Variants in FGF12 observed in about 807,000 individuals in gnomAD.
FGF12 encodes the protein fibroblast growth factor 12.
In FGF12, 14 loss-of-function variants were observed where a neutral mutation model predicts 23.6. That is an observed-to-expected ratio of 0.59 (90% CI 0.39 to 0.93). FGF12 has a LOEUF of 0.93. Among genes scored for constraint, FGF12 ranks in the 40% least tolerant of loss-of-function variants. The pLI, the probability that FGF12 is intolerant of heterozygous loss-of-function variation, is 0.00. For missense variants in FGF12, 175 were observed against 217.8 expected (o/e 0.80, Z 1.24); for synonymous variants, 62 against 77.3 (o/e 0.80, Z 1.04).
chr3:192,310,440 A>G (rs754352135), intron 4 of FGF12, among the ~76,000 whole-genome samples: 2 of 152,196 alleles, frequency 1.3e-5, no homozygotes, highest in South Asian at 4.1e-4. Context: ...CTTTTAAAAT[A>G]TTTATACTTA....
intron 4 of FGF12, among the ~76,000 whole-genome samples, chr3:192,208,868 T>C (rs995533902): frequency 1.9e-4 from 29 of 152,206 alleles, no homozygotes; most frequent in African/African-American, 7.0e-4. Flanking sequence ...TCTATAAGTG[T>C]CTCACTCGGC....
At chr3:192,531,173 C>T (rs1190084424) in intron 2 of FGF12, among the ~76,000 whole-genome samples, 2 of 152,164 alleles carry the variant, frequency 1.3e-5, no homozygotes, top group Non-Finnish European at 2.9e-5. Flanking sequence ...TTTACAGCTA[C>T]ACACGTTATT....
At position 192,455,472 on chromosome 3, in the gene FGF12, T is replaced by C. The variant is rs564392018; in HGVS notation, c.14-94934A>G. On this transcript the variant is annotated intron_variant, in intron 2 of 5. Transcript: ENST00000445105. ...TGGTGTACCTACAGCAGAATAGAAA[T>C]GATAACATCATATATTTAGACAGAG... 2.6e-5 allele frequency among the ~76,000 whole-genome samples: 4 copies of C among 152,328 alleles called. No homozygotes were observed. In the South Asian group the frequency reaches 6.2e-4, roughly 24 times the overall value.
intron 2 of FGF12, among the ~76,000 whole-genome samples, chr3:192,640,671 G>T (rs1396211419): frequency 6.6e-6 from 1 of 152,150 alleles, no homozygotes; most frequent in South Asian, 2.1e-4. Context: ...AAAAATTTTG[G>T]TTGGTAAAAG....
intron 4 of FGF12, among the ~76,000 whole-genome samples, chr3:192,183,250 G>A (rs1349661761): frequency 6.6e-6 from 1 of 152,026 alleles, no homozygotes; most frequent in Non-Finnish European, 1.5e-5. Flanking sequence ...GCAGTGAGTA[G>A]GCTGAGATCT....
At chr3:192,661,805 G>T (rs1716682056) in intron 2 of FGF12, among the ~76,000 whole-genome samples, 2 of 152,280 alleles carry the variant, frequency 1.3e-5, no homozygotes, top group South Asian at 4.1e-4. Context: ...TCAACCTTCT[G>T]CTATCCAAAA....
intron 2 of FGF12, among the ~76,000 whole-genome samples, chr3:192,498,842 T>C (rs1171349121): frequency 6.6e-6 from 1 of 152,238 alleles, no homozygotes; most frequent in Non-Finnish European, 1.5e-5. Context: ...TATCATGTTA[T>C]CCCAGTCCAC....
chr3:192,521,619 C>T (rs76155100), intron 2 of FGF12, among the ~76,000 whole-genome samples: 1,640 of 152,198 alleles, frequency 0.011, 17 homozygotes, highest in African/African-American at 0.033. Context: ...CACCTGAACA[C>T]GTCTCTGACC....
At chr3:192,614,269 C>CT (rs899351182) in intron 2 of FGF12, among the ~76,000 whole-genome samples, 1 of 151,332 alleles carries the variant, frequency 6.6e-6, no homozygotes, top group Non-Finnish European at 1.5e-5. Flanking sequence ...TTAAATCCTC[C>CT]TTTTTTCAAA....
At chr3:192,240,904 T>C (rs922632704) in intron 4 of FGF12, among the ~76,000 whole-genome samples, 1 of 152,184 alleles carries the variant, frequency 6.6e-6, no homozygotes, top group Non-Finnish European at 1.5e-5. Flanking sequence ...GGAAAGGACT[T>C]CTTTGAGCTT....
At chr3:192,372,442 C>T (rs1475155486) in intron 2 of FGF12, among the ~76,000 whole-genome samples, 1 of 151,752 alleles carries the variant, frequency 6.6e-6, no homozygotes, top group Non-Finnish European at 1.5e-5. Context: ...TTTGCAGAGT[C>T]AACCAGAGTG....
intron 4 of FGF12, among the ~76,000 whole-genome samples, chr3:192,174,911 AC>A (rs1475037956): frequency 2.0e-5 from 3 of 152,136 alleles, no homozygotes; most frequent in African/African-American, 7.2e-5. Context: ...GAATTTAACA[AC>A]CTCCAACTCA....
chr3:192,397,255 G>A (rs975317459), intron 2 of FGF12, among the ~76,000 whole-genome samples: 1 of 152,232 alleles, frequency 6.6e-6, no homozygotes, highest in African/African-American at 2.4e-5. Flanking sequence ...CCTGAGCAAA[G>A]CTGCAGAGGA....
At chr3:192,180,736 T>C (rs184302760) in intron 4 of FGF12, among the ~76,000 whole-genome samples, 35 of 152,302 alleles carry the variant, frequency 2.3e-4, no homozygotes, top group African/African-American at 8.4e-4. Context: ...CTAACTGATA[T>C]CAAACTTAAC....
intron 2 of FGF12, among the ~76,000 whole-genome samples, chr3:192,412,434 A>AAGAAC (rs1721226798): frequency 6.6e-6 from 1 of 152,246 alleles, no homozygotes; most frequent in South Asian, 2.1e-4. Context: ...TAGGCATTTA[A>AAGAAC]AGAACAGAAC....
chr3:192,180,509 A>T (rs60780110), intron 4 of FGF12, among the ~76,000 whole-genome samples: 14,024 of 152,212 alleles, frequency 0.092, 685 homozygotes, highest in East Asian at 0.13. Flanking sequence ...ATGTGCTTCT[A>T]GTGCCTCAGC....
chr3:192,616,024 G>C (rs900349977), intron 2 of FGF12, among the ~76,000 whole-genome samples: 1 of 151,804 alleles, frequency 6.6e-6, no homozygotes, highest in Non-Finnish European at 1.5e-5. Flanking sequence ...ATAATTATTA[G>C]TTTTATGCTT....
intron 2 of FGF12, among the ~76,000 whole-genome samples, chr3:192,548,849 A>C (rs1324344670): frequency 6.6e-6 from 1 of 152,174 alleles, no homozygotes; most frequent in East Asian, 1.9e-4. Context: ...AAAAAATGGA[A>C]AGGAAAGCTG....
At chr3:192,174,872 T>A (rs1293490962) in intron 4 of FGF12, among the ~76,000 whole-genome samples, 3 of 152,190 alleles carry the variant, frequency 2.0e-5, no homozygotes, top group Admixed American at 2.0e-4. Flanking sequence ...AGGAAAATCA[T>A]GCATATGGAC....
Sources: gnomAD v4.1 joint callset for allele counts (sites outside exome capture counted in the v4.1 genomes callset) on GRCh38, gnomAD v4.1.1 for gene constraint, MANE v1.5 for transcripts, NCBI Gene and HGNC (gene_info 2026-07-23, HGNC 2026-07-21) for gene names.